GNAO1: variants seen among roughly 807,000 people sequenced by gnomAD.
The protein encoded by GNAO1 is guanine nucleotide-binding protein G(o) subunit alpha.
For synonymous variants in GNAO1, 164 were observed against 180.7 expected, an observed-to-expected ratio of 0.91 and a Z score of 0.74; for missense variants, 166 against 478.7, an observed-to-expected ratio of 0.35 and a Z score of 6.10.
intron 2 of GNAO1, among the ~76,000 whole-genome samples, chr16:56,242,411 T>A (rs1394635175): frequency 2.0e-5 from 3 of 152,110 alleles, no homozygotes; most frequent in Non-Finnish European, 4.4e-5. Flanking sequence ...ACCTCCCAAT[T>A]TCAAAACTTG....
chr16:56,328,805 C>G lies in GNAO1; in HGVS notation c.464+14C>G. The G allele has an allele frequency of 6.2e-7, 1 of 1,612,892 alleles. No individual in the cohort carries two copies. Reference sequence around the variant, plus strand: ...CTCTGCCAAATAGTGAGTGTCCCAGCGGGCGCATGGCCTGGAGCCGGGCAG... The same window carrying G: ...CTCTGCCAAATAGTGAGTGTCCCAGGGGGCGCATGGCCTGGAGCCGGGCAG... On this transcript the variant is annotated intron_variant, in intron 4 of 8. Transcript: ENST00000262493.
At chr16:56,249,588 CAG>C (rs2036781112) in intron 2 of GNAO1, among the ~76,000 whole-genome samples, 1 of 152,130 alleles carries the variant, frequency 6.6e-6, no homozygotes, top group Non-Finnish European at 1.5e-5. Flanking sequence ...CTGCAAGTAA[CAG>C]AAAACCCAAT....
chr16:56,265,953 G>C lies in GNAO1; in HGVS notation c.162-9978G>C, dbSNP rs577136941. On this transcript the variant is annotated intron_variant, in intron 2 of 8. Transcript: ENST00000262493. ...GTTCCTCATCATTAGAACACTAAAG[G>C]TGCCCCGGGGCCTTTGCTCTTGCTG... 7.2e-5 allele frequency among the ~76,000 whole-genome samples: 11 copies of C among 152,090 alleles called. No homozygotes were observed. The South Asian group carries it at 2.1e-3, about 29-fold the overall frequency.
At chr16:56,331,454 TC>T (rs2037687632) in intron 4 of GNAO1, among the ~76,000 whole-genome samples, 1 of 152,164 alleles carries the variant, frequency 6.6e-6, no homozygotes, top group Admixed American at 6.5e-5. Flanking sequence ...GAGCTCTTGC[TC>T]CTCCGCCTGC....
Position 56,282,857 on chromosome 16 carries a change from G to A in GNAO1, c.303+6785G>A, listed in dbSNP as rs2037127906. ...GCAGTTGATTAAGGAGCAAGCCTTT[G>A]TCTAAAACCTTGGGGACAGCCAAAA... On this transcript the variant is annotated intron_variant, in intron 3 of 8. Coordinates refer to ENST00000262493, the MANE Select transcript of GNAO1 (RefSeq NM_020988.3). 2.0e-5 allele frequency among the ~76,000 whole-genome samples: 3 copies of A among 152,356 alleles called. No homozygotes were observed. In the South Asian group the frequency reaches 6.2e-4, roughly 32 times the overall value.
intron 2 of GNAO1, among the ~76,000 whole-genome samples, chr16:56,215,624 G>T (rs12446609): frequency 0.61 from 92,651 of 152,072 alleles, 28,561 homozygotes; most frequent in East Asian, 0.71. Context: ...TGTACGTTTG[G>T]TTCCTTGTCT....
At chr16:56,297,725 C>G (rs1283907530) in intron 3 of GNAO1, among the ~76,000 whole-genome samples, 1 of 152,080 alleles carries the variant, frequency 6.6e-6, no homozygotes, top group East Asian at 1.9e-4. Flanking sequence ...AATAACCCGG[C>G]AGTGCTGGTT....
At chr16:56,235,377 A>G (rs1166963251) in intron 2 of GNAO1, 6 of 455,948 alleles carry the variant, frequency 1.3e-5, no homozygotes, top group Non-Finnish European at 2.6e-5. Flanking sequence ...TGCAGGGACT[A>G]CAAGGAGGTA....
chr16:56,208,457 G>GCA (rs1567438686), intron 2 of GNAO1, among the ~76,000 whole-genome samples: 16 of 146,628 alleles, frequency 1.1e-4, no homozygotes, highest in African/African-American at 4.2e-4. Flanking sequence ...GTGCGCGCGC[G>GCA]CGCACGTGTG....
chr16:56,266,994 G>A (rs1038413239), intron 2 of GNAO1, among the ~76,000 whole-genome samples: 7 of 152,148 alleles, frequency 4.6e-5, no homozygotes, highest in African/African-American at 1.7e-4. Context: ...CTGGACCACT[G>A]CAGACCACTC....
Position 56,275,920 on chromosome 16 carries a change from T to A in GNAO1, c.162-11T>A, listed in dbSNP as rs766855846. ...CTCTCATCAGGTGTGGTGTGTGTGG[T>A]TTTTCTCTAGGATCATCCATGAAGA... On this transcript the variant is annotated splice_polypyrimidine_tract_variant and intron_variant, in intron 2 of 8. Transcript: ENST00000262493. 2.4e-5 allele frequency: 38 copies of A among 1,609,376 alleles called. No homozygotes were observed. Among genetic ancestry groups the A allele is most frequent in the Non-Finnish European group, 2.5e-6 (3 of 1,177,348 alleles).
At chr16:56,275,857 G>A (rs550804617) in intron 2 of GNAO1, 74 bp from the exon 3 acceptor site, 26 of 1,321,886 alleles carry the variant, frequency 2.0e-5, no homozygotes, top group African/African-American at 1.2e-4. Context: ...CAGCCAGTGC[G>A]TCTCATGCCT....
At chr16:56,258,131 C>G (rs12448100) in intron 2 of GNAO1, among the ~76,000 whole-genome samples, 1 of 152,112 alleles carries the variant, frequency 6.6e-6, no homozygotes, top group Non-Finnish European at 1.5e-5. Context: ...ACCTCTGCTA[C>G]GTGACTGCAG....
intron 2 of GNAO1, among the ~76,000 whole-genome samples, chr16:56,212,741 C>T (rs1440999390): frequency 1.3e-5 from 2 of 152,156 alleles, no homozygotes; most frequent in Non-Finnish European, 2.9e-5. Context: ...GTGACAAGGT[C>T]GCTGTTGTGC....
intron 3 of GNAO1, among the ~76,000 whole-genome samples, chr16:56,321,782 G>A (rs879873077): frequency 2.6e-5 from 4 of 152,192 alleles, no homozygotes; most frequent in Admixed American, 2.6e-4. Context: ...AGCGGTCACT[G>A]CTGTCTCTCC....
chr16:56,247,928 TACTG>T (rs2036764596), intron 2 of GNAO1, among the ~76,000 whole-genome samples: 1 of 152,234 alleles, frequency 6.6e-6, no homozygotes, highest in South Asian at 2.1e-4. Flanking sequence ...ACAATTATGA[TACTG>T]AATGTGCATT....
chr16:56,307,190 T>G (rs910073044), intron 3 of GNAO1: 5 of 152,202 alleles, frequency 3.3e-5, no homozygotes, highest in African/African-American at 1.2e-4. Flanking sequence ...GGCTGCTCCC[T>G]TCCGGGGACT....
rs2037458293 is a variant in GNAO1 at position 56,311,541 on chromosome 16, G to A, written c.304-17090G>A. ...TGATCCCAGACCTCAGAGAAAAACTGTTGGGGTGATGGCGCCTTGGCTGGA... is the reference window on the plus strand; with the variant it reads ...TGATCCCAGACCTCAGAGAAAAACTATTGGGGTGATGGCGCCTTGGCTGGA... On this transcript the variant is annotated intron_variant, in intron 3 of 8. Transcript: ENST00000262493. The surrounding 1 kb of genome is among the most constrained non-coding windows in gnomAD (Gnocchi z 5.2). 6.6e-6 allele frequency among the ~76,000 whole-genome samples: 1 copy of A among 152,196 alleles called. No homozygotes were observed. Among genetic ancestry groups the A allele is most frequent in the South Asian group, 2.1e-4 (1 of 4,836 alleles).
chr16:56,350,743 C>T (rs1467655861), intron 6 of GNAO1, among the ~76,000 whole-genome samples: 1 of 152,152 alleles, frequency 6.6e-6, no homozygotes, highest in African/African-American at 2.4e-5. Context: ...CAGGACCTGG[C>T]ATGCCTTCCC....
Sources: gnomAD v4.1 joint callset for allele counts (sites outside exome capture counted in the v4.1 genomes callset) on GRCh38, gnomAD v4.1.1 for gene constraint, Gnocchi (gnomAD v3.1) non-coding constraint, MANE v1.5 for transcripts, NCBI Gene and HGNC (gene_info 2026-07-23, HGNC 2026-07-21) for gene names.